Variants in DRC8 observed in about 807,000 individuals in gnomAD.
The protein encoded by DRC8 is dynein regulatory complex protein 8.
chr1:245,110,326 G>A, the DRC8 span, among the ~76,000 whole-genome samples: 1 of 152,194 alleles, frequency 6.6e-6, no homozygotes, highest in Admixed American at 6.5e-5. Context: ...GGAGGTTGCT[G>A]TGAGCCGAGA....
the DRC8 span, among the ~76,000 whole-genome samples, chr1:244,991,243 A>G: frequency 6.6e-6 from 1 of 152,214 alleles, no homozygotes; most frequent in Non-Finnish European, 1.5e-5. Flanking sequence ...ATGGAGTGAC[A>G]TAAAGGGTGC....
the DRC8 span, among the ~76,000 whole-genome samples, chr1:245,105,836 G>A: frequency 1.3e-5 from 2 of 152,054 alleles, no homozygotes; most frequent in Non-Finnish European, 2.9e-5. Context: ...CAACACTTTG[G>A]GAGGCCAAGG....
chr1:245,070,538 C>A, the DRC8 span, among the ~76,000 whole-genome samples: 1 of 152,012 alleles, frequency 6.6e-6, no homozygotes, highest in Non-Finnish European at 1.5e-5. Context: ...TATTTTAATT[C>A]GTATTTGTTT....
chr1:245,117,089 T>C, the DRC8 span, among the ~76,000 whole-genome samples: 1 of 152,220 alleles, frequency 6.6e-6, no homozygotes, highest in East Asian at 1.9e-4. Context: ...AGTCTTGCTC[T>C]GTTGCCAGGC....
chr1:245,105,286 A>G, the DRC8 span, among the ~76,000 whole-genome samples: 2 of 151,920 alleles, frequency 1.3e-5, no homozygotes, highest in East Asian at 1.9e-4. Flanking sequence ...CTCTCCATCA[A>G]CCTGTCACCT....
the DRC8 span, among the ~76,000 whole-genome samples, chr1:245,119,641 A>G: frequency 6.6e-6 from 1 of 151,498 alleles, no homozygotes; most frequent in African/African-American, 2.4e-5. Context: ...CCTGTCTAAA[A>G]AAAAAAAGGA....
the DRC8 span, among the ~76,000 whole-genome samples, chr1:245,039,400 A>C: frequency 6.9e-6 from 1 of 145,374 alleles, no homozygotes; most frequent in Admixed American, 7.0e-5. Context: ...GCTTGAACCC[A>C]GGAGCTCGAG....
At chr1:245,021,016 C>G in the DRC8 span, among the ~76,000 whole-genome samples, 190 of 152,230 alleles carry the variant, frequency 1.2e-3, no homozygotes, top group African/African-American at 4.4e-3. Context: ...CAGCTGTCCT[C>G]TGTGAAGCCA....
chr1:245,092,516 C>T, the DRC8 span, among the ~76,000 whole-genome samples: 1 of 152,328 alleles, frequency 6.6e-6, no homozygotes, highest in South Asian at 2.1e-4. Flanking sequence ...TGGTGGCTGC[C>T]TCCTAGGCCT....
chr1:245,118,697 A>T, the DRC8 span, among the ~76,000 whole-genome samples: 4 of 152,026 alleles, frequency 2.6e-5, no homozygotes, highest in African/African-American at 7.2e-5. Context: ...AGGCTGAGGC[A>T]GGAGAATCGC....
chr1:244,980,518 A>T, the DRC8 span, among the ~76,000 whole-genome samples: 3 of 152,208 alleles, frequency 2.0e-5, no homozygotes, highest in Non-Finnish European at 4.4e-5. Flanking sequence ...AGAAAGATAA[A>T]ACCCTGAACC....
chr1:245,056,238 C>T, the DRC8 span, among the ~76,000 whole-genome samples: 1 of 152,210 alleles, frequency 6.6e-6, no homozygotes, highest in Non-Finnish European at 1.5e-5. Context: ...ATTTTATACT[C>T]AGGTTACTCA....
chr1:245,027,870 G>GTT, the DRC8 span, among the ~76,000 whole-genome samples: 39 of 137,946 alleles, frequency 2.8e-4, no homozygotes, highest in African/African-American at 7.5e-4. Context: ...TCTCTTGTCA[G>GTT]TTTTTTTTTT....
the DRC8 span, among the ~76,000 whole-genome samples, chr1:245,106,804 G>GGAGGCT: frequency 6.6e-6 from 1 of 152,202 alleles, no homozygotes; most frequent in Non-Finnish European, 1.5e-5. Flanking sequence ...CAGCACTTTG[G>GGAGGCT]GAGGCTGAGG....
At chr1:245,073,430 C>T in the DRC8 span, among the ~76,000 whole-genome samples, 1 of 152,128 alleles carries the variant, frequency 6.6e-6, no homozygotes, top group African/African-American at 2.4e-5. Flanking sequence ...GCTACTGCGC[C>T]CGGCCAGCTT....
the DRC8 span, among the ~76,000 whole-genome samples, chr1:245,117,251 A>C: frequency 1.3e-5 from 2 of 152,030 alleles, no homozygotes; most frequent in Non-Finnish European, 2.9e-5. Context: ...ACAGGGTTTC[A>C]CCATGTTGGC....
chr1:245,078,509 GA>G, the DRC8 span, among the ~76,000 whole-genome samples: 6 of 152,034 alleles, frequency 3.9e-5, no homozygotes, highest in African/African-American at 1.2e-4. Flanking sequence ...CTTAAAAAAG[GA>G]GGTCCTGCTA....
chr1:245,033,216 G>A, the DRC8 span, among the ~76,000 whole-genome samples: 1 of 152,164 alleles, frequency 6.6e-6, no homozygotes, highest in Admixed American at 6.5e-5. Context: ...CCAAAGCCAG[G>A]CAGAATCAAG....
At chr1:245,086,724 A>C in the DRC8 span, 19 of 533,282 alleles carry the variant, frequency 3.6e-5, no homozygotes, top group Non-Finnish European at 6.2e-5. Context: ...TGACAACCCT[A>C]TGTGACAGGT....
Sources: gnomAD v4.1 joint callset for allele counts (sites outside exome capture counted in the v4.1 genomes callset) on GRCh38, gnomAD v4.1.1 for gene constraint, MANE v1.5 for transcripts, NCBI Gene and HGNC (gene_info 2026-07-23, HGNC 2026-07-21) for gene names.